Variants in GNB5 observed in about 807,000 individuals in gnomAD.
GNB5 encodes the protein G protein subunit beta 5.
Under a neutral mutation model 55.3 loss-of-function variants are expected in GNB5, and 37 were observed. The ratio of observed to expected loss-of-function variants is 0.67; its 90% confidence interval spans 0.51 to 0.88. The LOEUF is 0.88. Ranked by LOEUF, GNB5 falls within the 40% of genes least tolerant of loss-of-function variation. The probability of loss-of-function intolerance (pLI) is 0.00; values close to 1 mark genes in which losing one functional copy is unlikely to be tolerated. For missense variants in GNB5, 476 were observed against 515.3 expected, an observed-to-expected ratio of 0.92 and a Z score of 0.74; for synonymous variants, 219 against 198.5, an observed-to-expected ratio of 1.10 and a Z score of -0.87.
chr15:52,180,233 A>C, intron 2 of GNB5: 1 of 163,974 alleles, frequency 6.1e-6, no homozygotes, highest in Non-Finnish European at 1.3e-5. Context: ...CCAACTCGGG[A>C]CTCCCCGCTT....
intron 4 of GNB5, 93 bp from the exon 5 acceptor site, chr15:52,150,018 T>G: frequency 1.1e-6 from 1 of 936,194 alleles, no homozygotes; most frequent in South Asian, 1.4e-5. Flanking sequence ...AGCAGGGCAG[T>G]GTGAAGTAGA....
At chr15:52,136,713 G>A (rs2033733054) in intron 7 of GNB5, among the ~76,000 whole-genome samples, 1 of 152,190 alleles carries the variant, frequency 6.6e-6, no homozygotes, top group African/African-American at 2.4e-5. Flanking sequence ...TGCTGACAGT[G>A]TCTGCCAGGC....
intron 12 of GNB5, 59 bp downstream of exon 12, chr15:52,124,414 G>C: frequency 2.2e-6 from 3 of 1,372,748 alleles, no homozygotes; most frequent in Non-Finnish European, 2.0e-6. Context: ...GCTTCAGAAG[G>C]CCTGTCACCA....
chr15:52,161,542 C>T (rs960538284), intron 3 of GNB5, among the ~76,000 whole-genome samples: 1 of 152,302 alleles, frequency 6.6e-6, no homozygotes, highest in African/African-American at 2.4e-5. Context: ...CTCAAGTGGT[C>T]CACCCACCTC....
intron 3 of GNB5, among the ~76,000 whole-genome samples, chr15:52,160,617 CAT>C (rs765201946): frequency 4.5e-4 from 68 of 152,302 alleles, no homozygotes; most frequent in Middle Eastern, 3.4e-3. Context: ...TAAAAATAAT[CAT>C]AAAATAAAAA....
chr15:52,146,890 C>T (rs987695376), intron 6 of GNB5, among the ~76,000 whole-genome samples: 14 of 151,816 alleles, frequency 9.2e-5, no homozygotes, highest in African/African-American at 3.4e-4. Flanking sequence ...GTACTTTTTG[C>T]TTCATTTTTA....
rs930323567 is a variant in GNB5 at position 52,120,728 on chromosome 15, C to G, written c.*2029G>C. 2.2e-4 allele frequency: 34 copies of G among 152,340 alleles called. No homozygotes were observed. The highest frequency in any genetic ancestry group is 7.9e-4 in the African/African-American group (33 of 41,568). The allele number at this position is 152,340 out of a possible 1,614,324, so 9.4% of individuals were successfully genotyped here. A position where few individuals can be genotyped will look rare whatever the true frequency, so the allele number is the denominator to read the frequency against. On this transcript the variant is annotated 3_prime_UTR_variant, in exon 13 of 13. Coordinates refer to ENST00000261837, the MANE Select transcript of GNB5 (RefSeq NM_016194.4). ...CATTCTGGAGCAGAGCTCAGGAATC[C>G]CATGGTGCCCTGACCCCTTCAGCAC... is the stretch of plus-strand genomic sequence containing the variant.
chr15:52,137,230 T>G, intron 7 of GNB5: 1 of 1,164,212 alleles, frequency 8.6e-7, no homozygotes, highest in Non-Finnish European at 1.1e-6. Context: ...TGATGTTCGC[T>G]TGGGGAGTTG....
chr15:52,121,119 G>C lies in GNB5; in HGVS notation c.*1638C>G, dbSNP rs12396. On this transcript the variant is annotated 3_prime_UTR_variant, in exon 13 of 13. Coordinates refer to ENST00000261837, the MANE Select transcript of GNB5 (RefSeq NM_016194.4). Reference sequence around the variant, plus strand: ...TATGGCTGTGCCCAGCTCCAGCTCTGGAAGAGTCTCTCTGAGGAGCAGGGC... The same window carrying C: ...TATGGCTGTGCCCAGCTCCAGCTCTCGAAGAGTCTCTCTGAGGAGCAGGGC... 0.45 allele frequency: 68,533 copies of C among 152,074 alleles called. 19,263 individuals carry two copies. The highest frequency in any genetic ancestry group is 0.63 in the Middle Eastern group (184 of 290). The allele number at this position is 152,074 out of a possible 1,614,324, so 9.4% of individuals were successfully genotyped here.
chr15:52,147,161 G>A (rs917509006), intron 6 of GNB5: 2 of 248,884 alleles, frequency 8.0e-6, no homozygotes, highest in Admixed American at 5.2e-5. Flanking sequence ...GAGTTTTATG[G>A]TTTTGTTTTT....
At chr15:52,123,004 C>T (rs1383387378) in intron 12 of GNB5, among the ~76,000 whole-genome samples, 1 of 151,832 alleles carries the variant, frequency 6.6e-6, no homozygotes, top group Non-Finnish European at 1.5e-5. Flanking sequence ...ACCTGATCTT[C>T]TCCTCCCTTA....
chr15:52,137,186 G>C, intron 7 of GNB5: 2 of 1,117,502 alleles, frequency 1.8e-6, no homozygotes, highest in Non-Finnish European at 1.1e-6. Context: ...TGGCAGGTCA[G>C]ATAACCTTAG....
chr15:52,136,033 C>T (rs1489669020), intron 7 of GNB5, among the ~76,000 whole-genome samples: 1 of 137,864 alleles, frequency 7.3e-6, no homozygotes, highest in African/African-American at 2.8e-5. Flanking sequence ...GGCAGTCAAT[C>T]AGAGGCTTAA....
rs1596043750 is a variant in GNB5, at chr15:52,118,548, G to C, written c.*4209C>G. ...TATGGATAGATACAATCCACAATGA[G>C]CAAGTTATTTGGGGTCCTCAATAAC... On this transcript the variant is annotated 3_prime_UTR_variant, in exon 13 of 13. Transcript: ENST00000261837. 1 of 152,050 alleles carries C rather than the reference G, an allele frequency of 6.6e-6. No homozygotes were observed. The highest frequency in any genetic ancestry group is 1.5e-5 in the Non-Finnish European group (1 of 67,992). 9.4% of individuals were successfully genotyped at this position (152,050 alleles called of 1,614,324 possible). A position where few individuals can be genotyped will look rare whatever the true frequency, so the allele number is the denominator to read the frequency against.
chr15:52,153,881 T>A, intron 4 of GNB5, 59 bp downstream of exon 4: 1 of 1,480,556 alleles, frequency 6.8e-7, no homozygotes, highest in Non-Finnish European at 9.3e-7. Context: ...ACAGCTCTCC[T>A]CCCCCTTAGC....
rs1596043428 is a variant in GNB5 at position 52,117,777 on chromosome 15, C to T, written c.*4980G>A. On this transcript the variant is annotated 3_prime_UTR_variant, in exon 13 of 13. Coordinates refer to ENST00000261837, the MANE Select transcript of GNB5 (RefSeq NM_016194.4). The stretch of plus-strand genomic sequence containing the variant: ...GAGACAAGATTCACTCGCGGCCTCC[C>T]CAGTGGGCCTCCGGCTCAGATTTCC... The T allele has an allele frequency of 6.6e-6, 1 of 152,462 alleles. No homozygotes were observed. The highest frequency in any genetic ancestry group is 3.4e-3 in the Middle Eastern group (1 of 298). 9.4% of individuals were successfully genotyped at this position (152,462 alleles called of 1,614,324 possible).
chr15:52,161,425 G>A (rs1033791985), intron 3 of GNB5, among the ~76,000 whole-genome samples: 3 of 152,162 alleles, frequency 2.0e-5, no homozygotes, highest in Non-Finnish European at 2.9e-5. Context: ...AGCCTCTCAA[G>A]CAGCTGGGAT....
At chr15:52,142,534 A>G (rs1292064526) in intron 6 of GNB5, among the ~76,000 whole-genome samples, 2 of 150,704 alleles carry the variant, frequency 1.3e-5, no homozygotes, top group Non-Finnish European at 2.9e-5. Context: ...AATTACCCCA[A>G]ATTTGGGGCC....
At chr15:52,159,494 C>T (rs975437075) in intron 3 of GNB5, among the ~76,000 whole-genome samples, 3 of 152,296 alleles carry the variant, frequency 2.0e-5, no homozygotes, top group African/African-American at 7.2e-5. Flanking sequence ...AGGGAGAGGA[C>T]GCTTGCCTCT....
Sources: gnomAD v4.1 joint callset for allele counts (sites outside exome capture counted in the v4.1 genomes callset) on GRCh38, gnomAD v4.1.1 for gene constraint, MANE v1.5 for transcripts, NCBI Gene and HGNC (gene_info 2026-07-23, HGNC 2026-07-21) for gene names.